Variants in RBM34 observed in about 807,000 individuals in gnomAD.
RBM34 encodes the protein RNA binding motif protein 34.
RBM34 carries 39 observed loss-of-function variants against 44.6 expected under a neutral mutation model. The observed-to-expected ratio is 0.87, with a 90% CI of 0.68 to 1.14. RBM34 has a LOEUF of 1.14. RBM34 is among the 50% of genes most tolerant of loss of function. RBM34 has a pLI of 0.00. For missense variants in RBM34, 572 were observed against 517.9 expected, an observed-to-expected ratio of 1.10 and a Z score of -1.01; for synonymous variants, 194 against 184.0, an observed-to-expected ratio of 1.05 and a Z score of -0.44.
At chr1:235,133,258 T>C (rs548476774) in intron 10 of RBM34, among the ~76,000 whole-genome samples, 26 of 152,166 alleles carry the variant, frequency 1.7e-4, no homozygotes, top group Admixed American at 1.5e-3. Flanking sequence ...GGAGGATCGC[T>C]AGAGCCTGGG....
rs966876006 is a variant in RBM34 at position 235,131,484 on chromosome 1, G to A, written c.*229C>T. 4.4e-6 allele frequency: 2 copies of A among 451,332 alleles called. No homozygotes were observed. The highest frequency in any genetic ancestry group is 7.6e-6 in the Non-Finnish European group (2 of 261,728). The allele number at this position is 451,332 out of a possible 1,614,324, so 28.0% of individuals were successfully genotyped here. On this transcript the variant is annotated 3_prime_UTR_variant, in exon 11 of 11. Coordinates refer to ENST00000408888, the MANE Select transcript of RBM34 (RefSeq NM_015014.4). ...GATCACGCCACTGCACTCCAGCCTG[G>A]GAGACAACAGCCAAACTCCATCTCA...
At chr1:235,150,752 TAC>T (rs1662123979) in intron 5 of RBM34, among the ~76,000 whole-genome samples, 1 of 152,312 alleles carries the variant, frequency 6.6e-6, no homozygotes, top group East Asian at 1.9e-4. Context: ...AACCACAGCT[TAC>T]AGTCTGGTGG....
chr1:235,136,927 C>T (rs1445096984), intron 8 of RBM34, among the ~76,000 whole-genome samples: 4 of 152,180 alleles, frequency 2.6e-5, no homozygotes, highest in Non-Finnish European at 5.9e-5. Context: ...ACTGTTTTTC[C>T]TCCCAGACAT....
Position 235,160,951 on chromosome 1 carries a change from GC to G in RBM34, c.169del (p.Ala57ArgfsTer50). On this transcript the variant is annotated frameshift_variant, in exon 2 of 11. Coordinates refer to ENST00000408888, the MANE Select transcript of RBM34 (RefSeq NM_015014.4). LOFTEE classifies it high-confidence loss of function. ...HHSRGGTGRL[A>X]SLFSSLEPQI... is the part of the protein sequence containing the mutation. The stretch of plus-strand genomic sequence containing the variant: ...GGGCTCCAGAGAACTGAAGAGGGAC[GC>G]CAGCCGACCGGTGCCACCTCTGGAA... 1 of 1,614,126 alleles carries G rather than the reference GC, an allele frequency of 6.2e-7. No homozygotes were observed. Among genetic ancestry groups the G allele is most frequent in the Non-Finnish European group, 8.5e-7 (1 of 1,180,028 alleles).
At chr1:235,137,096 T>G (rs903264204) in intron 8 of RBM34, among the ~76,000 whole-genome samples, 11 of 152,190 alleles carry the variant, frequency 7.2e-5, no homozygotes, top group African/African-American at 2.7e-4. Context: ...TCCTGGCATA[T>G]CCCCAAGTCA....
At chr1:235,148,343 A>G in intron 6 of RBM34, 61 bp downstream of exon 6, 2 of 1,316,456 alleles carry the variant, frequency 1.5e-6, no homozygotes, top group South Asian at 2.7e-5. Context: ...AAATGGTCTC[A>G]CTTTTTAGCC....
Position 235,138,141 on chromosome 1 carries a change from A to G in RBM34, c.735T>C (p.Asn245=). 6.2e-7 allele frequency: 1 copy of G among 1,604,858 alleles called. No homozygotes were observed. Among genetic ancestry groups the G allele is most frequent in the Non-Finnish European group, 8.5e-7 (1 of 1,176,970 alleles). The stretch of plus-strand genomic sequence containing the variant: ...TCTCCTCCTTAAACACAACATAGGC[A>G]TTAATATTTTTCTGATCAGGATGAA... ...RKIHPDQKNI[N]AYVVFKEESA... Residue 245 remains asparagine, a synonymous_variant, in exon 7 of 11, where the codon AAT becomes AAC. Transcript: ENST00000408888.
intron 8 of RBM34, among the ~76,000 whole-genome samples, chr1:235,136,316 G>T (rs1030273790): frequency 1.3e-5 from 2 of 152,154 alleles, no homozygotes; most frequent in Admixed American, 6.5e-5. Flanking sequence ...GATCAGGAAC[G>T]GACTGCTATA....
At chr1:235,147,254 GAAACAAAAAAAC>G (rs975600322) in intron 6 of RBM34, among the ~76,000 whole-genome samples, 38 of 151,952 alleles carry the variant, frequency 2.5e-4, no homozygotes, top group African/African-American at 8.9e-4. Context: ...ACAAAACAAA[GAAACAAAAAAAC>G]AATGAGATGG....
chr1:235,131,438 G>A lies in RBM34; in HGVS notation c.*275C>T, dbSNP rs1188632931. ...CAGGAGAAGCGCTTGAACCCAGAAG[G>A]CAGAGGTTGCAGTGAGCCAAGATCA... On this transcript the variant is annotated 3_prime_UTR_variant, in exon 11 of 11. Coordinates refer to ENST00000408888, the MANE Select transcript of RBM34 (RefSeq NM_015014.4). 1 of 265,080 alleles carries A rather than the reference G, an allele frequency of 3.8e-6. No individual in the cohort carries two copies. Among genetic ancestry groups the A allele is most frequent in the Non-Finnish European group, 7.1e-6 (1 of 141,148 alleles). 16.4% of individuals were successfully genotyped at this position (265,080 alleles called of 1,614,324 possible). A position where few individuals can be genotyped will look rare whatever the true frequency, so the allele number is the denominator to read the frequency against.
chr1:235,153,870 C>T (rs1662277845), intron 4 of RBM34, among the ~76,000 whole-genome samples: 1 of 152,184 alleles, frequency 6.6e-6, no homozygotes, highest in African/African-American at 2.4e-5. Flanking sequence ...CAGTGATCGT[C>T]ACACAACGGA....
chr1:235,151,846 A>G (rs931282829), intron 5 of RBM34, among the ~76,000 whole-genome samples: 2 of 152,136 alleles, frequency 1.3e-5, no homozygotes, highest in African/African-American at 4.8e-5. Context: ...CAGTCTGGAT[A>G]ACATGGTGAA....
intron 5 of RBM34, among the ~76,000 whole-genome samples, chr1:235,150,525 T>C (rs1313797359): frequency 1.3e-5 from 2 of 152,086 alleles, no homozygotes; most frequent in African/African-American, 2.4e-5. Flanking sequence ...AATACTTTCA[T>C]AGGCAAAAAT....
rs34015202 is a variant in RBM34, at chr1:235,142,926, C to CAAAA, written c.702-4756_702-4753dup. On this transcript the variant is annotated intron_variant, in intron 6 of 10. Coordinates refer to ENST00000408888, the MANE Select transcript of RBM34 (RefSeq NM_015014.4). ...CTGGTGACAGAGCAAGGATCCATCT[C>CAAAA]AAAAAAAAAAAAAAAAAAAAAGACA... is the stretch of plus-strand genomic sequence containing the variant. Among the ~76,000 whole-genome samples, 472 of 66,114 alleles carry CAAAA rather than the reference C, an allele frequency of 7.1e-3. 6 individuals are homozygous for CAAAA. The highest frequency in any genetic ancestry group is 0.019 in the Middle Eastern group (2 of 104). 43.4% of individuals were successfully genotyped at this position (66,114 alleles called of 152,430 possible). A position where few individuals can be genotyped will look rare whatever the true frequency, so the allele number is the denominator to read the frequency against.
At chr1:235,144,196 C>CA (rs1044107905) in intron 6 of RBM34, among the ~76,000 whole-genome samples, 38 of 151,820 alleles carry the variant, frequency 2.5e-4, no homozygotes, top group African/African-American at 8.7e-4. Context: ...CCCTCCCCCA[C>CA]AAAAAAACAA....
chr1:235,155,496 C>G (rs1261788326), intron 3 of RBM34, among the ~76,000 whole-genome samples: 7 of 146,600 alleles, frequency 4.8e-5, no homozygotes, highest in Admixed American at 3.4e-4. Flanking sequence ...CGCATGCCCC[C>G]ACACGTGGCT....
rs892900153 is a variant in RBM34, at chr1:235,152,398, A to C, written c.657+308T>G. The C allele has an allele frequency of 3.5e-6, 3 of 854,822 alleles. No individual in the cohort carries two copies. In the Middle Eastern group the frequency reaches 1.6e-3, roughly 463 times the overall value. The allele number at this position is 854,822 out of a possible 1,614,324, so 53.0% of individuals were successfully genotyped here. Reference sequence around the variant, plus strand: ...GAAGAGAATGCCTAGGATTCCAGCAATGATAATCAGTATTAACTTTTCAGT... The same window carrying C: ...GAAGAGAATGCCTAGGATTCCAGCACTGATAATCAGTATTAACTTTTCAGT... On this transcript the variant is annotated intron_variant, in intron 5 of 10. Transcript: ENST00000408888.
chr1:235,150,702 G>GTAA lies in RBM34; in HGVS notation c.657+2003_657+2004insTTA, dbSNP rs561452729. Among the ~76,000 whole-genome samples the GTAA allele has an allele frequency of 5.9e-4, 87 of 148,150 alleles. 2 individuals carry two copies. Among genetic ancestry groups the GTAA allele is most frequent in the African/African-American group, 1.9e-3 (76 of 39,744 alleles). On this transcript the variant is annotated intron_variant, in intron 5 of 10. Transcript: ENST00000408888. ...GACAGAATAATTAACACAATGTACA[G>GTAA]GTGCTGGTAACCCAAGAAGAAGTAA...
At chr1:235,140,845 G>A (rs1661653370) in intron 6 of RBM34, among the ~76,000 whole-genome samples, 1 of 152,236 alleles carries the variant, frequency 6.6e-6, no homozygotes, top group African/African-American at 2.4e-5. Flanking sequence ...CTCAGGGTCT[G>A]TGAATGCACC....
Sources: gnomAD v4.1 joint callset for allele counts (sites outside exome capture counted in the v4.1 genomes callset) on GRCh38, gnomAD v4.1.1 for gene constraint, MANE v1.5 for transcripts, NCBI Gene and HGNC (gene_info 2026-07-23, HGNC 2026-07-21) for gene names.